The following FMNL2 variants were observed in gnomAD, a reference collection of about 807,000 sequenced individuals.
The protein encoded by FMNL2 is formin like 2, also known as formin-like protein 2.
Under a neutral mutation model 130.2 loss-of-function variants are expected in FMNL2, and 51 were observed. The observed-to-expected ratio is 0.39, with a 90% CI of 0.31 to 0.49. The LOEUF is 0.49. Ranked by LOEUF, FMNL2 falls within the 20% of genes least tolerant of loss-of-function variation. The pLI is 0.85. For missense variants in FMNL2, 977 were observed against 1,316.2 expected (o/e 0.74, Z 3.99); for synonymous variants, 465 against 467.1 (o/e 1.00, Z 0.06).
Position 152,648,293 on chromosome 2 carries a change from G to C in FMNL2, c.*388G>C, listed in dbSNP as rs992625987. On this transcript the variant is annotated 3_prime_UTR_variant, in exon 26 of 26. Coordinates refer to ENST00000288670, the MANE Select transcript of FMNL2 (RefSeq NM_052905.4). ...GCATCTGCTGTGGGTCCTTTGCTGA[G>C]ATGTCTTCGAAGGAATTTTGTTTTA... is the stretch of plus-strand genomic sequence containing the variant. 1 of 168,026 alleles carries C rather than the reference G, an allele frequency of 6.0e-6. No individual in the cohort carries two copies. The highest frequency in any genetic ancestry group is 2.4e-5 in the African/African-American group (1 of 41,988). 10.4% of individuals were successfully genotyped at this position (168,026 alleles called of 1,614,324 possible).
At chr2:152,469,252 A>G (rs1417461175) in intron 1 of FMNL2, among the ~76,000 whole-genome samples, 6 of 152,142 alleles carry the variant, frequency 3.9e-5, no homozygotes, top group Non-Finnish European at 5.9e-5. Context: ...GAACCTTTGC[A>G]TACGTGTCAT....
chr2:152,354,506 T>C (rs2105788233), intron 1 of FMNL2, among the ~76,000 whole-genome samples: 1 of 152,312 alleles, frequency 6.6e-6, no homozygotes, highest in Middle Eastern at 3.4e-3. Context: ...CCCTGCGTTA[T>C]TTTTTCCAGA....
intron 7 of FMNL2, 74 bp downstream of exon 7, chr2:152,575,318 G>A (rs866589667): frequency 1.1e-6 from 1 of 926,012 alleles, no homozygotes; most frequent in Non-Finnish European, 1.6e-6. Flanking sequence ...TGGGTGCAGT[G>A]TACACCGCTT....
chr2:152,570,804 G>T (rs1161750887), intron 6 of FMNL2, among the ~76,000 whole-genome samples: 4 of 152,164 alleles, frequency 2.6e-5, no homozygotes, highest in African/African-American at 9.7e-5. Context: ...TTACACTTCA[G>T]AATGAATAGG....
chr2:152,644,559 A>G (rs1683375709), intron 25 of FMNL2, among the ~76,000 whole-genome samples: 3 of 152,136 alleles, frequency 2.0e-5, no homozygotes, highest in Non-Finnish European at 2.9e-5. Flanking sequence ...TTAGTAGGCC[A>G]CCTCTATTCC....
chr2:152,565,342 C>G (rs1480582341), intron 6 of FMNL2, among the ~76,000 whole-genome samples: 1 of 152,032 alleles, frequency 6.6e-6, no homozygotes, highest in Admixed American at 6.6e-5. Context: ...AAAGGTTGCT[C>G]CAGGTGGAGG....
chr2:152,398,604 GA>G (rs1685523165), intron 1 of FMNL2, among the ~76,000 whole-genome samples: 1 of 152,176 alleles, frequency 6.6e-6, no homozygotes, highest in Non-Finnish European at 1.5e-5. Context: ...GGTAAAACAT[GA>G]ATGATAGGTA....
At chr2:152,393,843 A>G (rs1029180335) in intron 1 of FMNL2, among the ~76,000 whole-genome samples, 1 of 152,238 alleles carries the variant, frequency 6.6e-6, no homozygotes, top group Non-Finnish European at 1.5e-5. Context: ...AAGCAGCCTT[A>G]GACAATAGGC....
intron 1 of FMNL2, among the ~76,000 whole-genome samples, chr2:152,445,209 A>C (rs573322744): frequency 6.6e-6 from 1 of 152,348 alleles, no homozygotes; most frequent in South Asian, 2.1e-4. Flanking sequence ...TAACGTGGGC[A>C]ACAGTGTCTT....
intron 1 of FMNL2, among the ~76,000 whole-genome samples, chr2:152,445,717 A>G (rs1279992255): frequency 1.3e-5 from 2 of 152,144 alleles, no homozygotes; most frequent in African/African-American, 4.8e-5. Context: ...TACATTTCTT[A>G]CAAGTTCCCA....
intron 1 of FMNL2, among the ~76,000 whole-genome samples, chr2:152,453,543 G>A (rs1182991448): frequency 3.9e-5 from 6 of 152,172 alleles, no homozygotes. Flanking sequence ...CCTTCTGGCT[G>A]TATTACTGCT....
intron 1 of FMNL2, among the ~76,000 whole-genome samples, chr2:152,418,652 A>T (rs1307775445): frequency 2.0e-5 from 3 of 152,232 alleles, no homozygotes. Context: ...TTTAAGGCTG[A>T]ACAGTAATAC....
chr2:152,551,812 T>C lies in FMNL2; in HGVS notation c.359+2715T>C, dbSNP rs182712640. On this transcript the variant is annotated intron_variant, in intron 4 of 25. Coordinates refer to ENST00000288670, the MANE Select transcript of FMNL2 (RefSeq NM_052905.4). ...AGGACGATTACTTGAGCCCAAGAGT[T>C]TGAGACCAGCTTGGGTAACATAGTG... is the stretch of plus-strand genomic sequence containing the variant. 7.2e-5 allele frequency among the ~76,000 whole-genome samples: 11 copies of C among 152,306 alleles called. No individual in the cohort carries two copies. The East Asian group carries it at 1.7e-3, about 24-fold the overall frequency.
At chr2:152,621,388 A>C (rs1224271399) in intron 15 of FMNL2, among the ~76,000 whole-genome samples, 6 of 152,158 alleles carry the variant, frequency 3.9e-5, no homozygotes, top group Non-Finnish European at 5.9e-5. Flanking sequence ...TCTATTTATT[A>C]ATTGTTTTGC....
intron 21 of FMNL2, among the ~76,000 whole-genome samples, chr2:152,635,150 GC>G (rs1682485375): frequency 6.6e-6 from 1 of 152,172 alleles, no homozygotes; most frequent in African/African-American, 2.4e-5. Context: ...CACTTACCAA[GC>G]TTTTTCACCT....
At chr2:152,592,686 C>G (rs1431713949) in intron 9 of FMNL2, among the ~76,000 whole-genome samples, 1 of 152,002 alleles carries the variant, frequency 6.6e-6, no homozygotes, top group Non-Finnish European at 1.5e-5. Flanking sequence ...TTTGTTAATT[C>G]TTAGATGCAC....
chr2:152,474,886 T>C (rs4664587), intron 1 of FMNL2, among the ~76,000 whole-genome samples: 60,314 of 152,020 alleles, frequency 0.4, 12,499 homozygotes, highest in East Asian at 0.68. Context: ...TTTAAAGGCA[T>C]AATGTTGTCT....
intron 2 of FMNL2, among the ~76,000 whole-genome samples, chr2:152,530,677 G>A (rs1327173581): frequency 6.6e-6 from 1 of 152,122 alleles, no homozygotes; most frequent in Non-Finnish European, 1.5e-5. Context: ...ATATATAATG[G>A]AATGCTCTTA....
At chr2:152,613,626 A>G (rs1425071128) in intron 11 of FMNL2, among the ~76,000 whole-genome samples, 1 of 152,098 alleles carries the variant, frequency 6.6e-6, no homozygotes, top group Non-Finnish European at 1.5e-5. Context: ...TTTTGTCAAA[A>G]CTCTGTATTT....
Sources: allele counts gnomAD v4.1 joint callset (sites outside exome capture counted in the v4.1 genomes callset), GRCh38; gene constraint gnomAD v4.1.1; transcripts MANE v1.5; gene names NCBI Gene and HGNC (gene_info 2026-07-23, HGNC 2026-07-21).